The following GTF2A1L variants were observed in gnomAD, a reference collection of about 807,000 sequenced individuals.
GTF2A1L encodes general transcription factor IIA subunit 1 like.
A neutral mutation model predicts 49.7 loss-of-function variants in GTF2A1L; 48 were observed. That is an observed-to-expected ratio of 0.97 (90% CI 0.77 to 1.23). The LOEUF (loss-of-function observed/expected upper bound fraction) is 1.23. Among genes scored for constraint, GTF2A1L ranks in the 50% most tolerant of loss-of-function variants. GTF2A1L has a pLI of 0.00. For missense variants in GTF2A1L, 736 were observed against 564.8 expected (o/e 1.30, Z -3.07); for synonymous variants, 246 against 193.5 (o/e 1.27, Z -2.25).
Position 48,646,909 on chromosome 2 carries a change from G to A in GTF2A1L, c.845G>A (p.Ser282Asn). Residue 282 changes from serine to asparagine, a missense_variant, in exon 6 of 9, where the codon AGC becomes AAC. Physicochemically the swap from Ser to Asn is conservative, Grantham distance 46 (BLOSUM62 1). Coordinates refer to ENST00000403751, the MANE Select transcript of GTF2A1L (RefSeq NM_006872.5). ...QNLHDESLST[S>N]PHGALHQHVT... ...CTGCATGATGAGTCCCTCTCCACAA[G>A]CCCTCATGGGGCTCTCCACCAGCAC... 1.2e-6 allele frequency: 2 copies of A among 1,614,120 alleles called. No individual in the cohort carries two copies. The highest frequency in any genetic ancestry group is 8.5e-7 in the Non-Finnish European group (1 of 1,180,010).
At position 48,621,227 on chromosome 2, in the gene GTF2A1L, C is replaced by T. The variant is rs780972742; in HGVS notation, c.184C>T (p.Gln62Ter). 2 of 1,614,074 alleles carry T rather than the reference C, an allele frequency of 1.2e-6. No homozygotes were observed. Among genetic ancestry groups the T allele is most frequent in the Admixed American group, 1.7e-5 (1 of 60,012 alleles). Residue 62 changes from glutamine to a stop codon, truncating the protein, a stop_gained, in exon 3 of 9, where the codon CAA becomes TAA. Coordinates refer to ENST00000403751, the MANE Select transcript of GTF2A1L (RefSeq NM_006872.5). LOFTEE classifies it high-confidence loss of function. ...AGAAGACTTCTTCAGAAATAGCATC[C>T]AATCACCTCTGTTTACTCTTCAGTT... ...ATEDFFRNSI[Q>*]SPLFTLQLPH... is the part of the protein sequence containing the mutation.
At chr2:48,649,159 A>G (rs1227431882) in intron 6 of GTF2A1L, among the ~76,000 whole-genome samples, 1 of 152,182 alleles carries the variant, frequency 6.6e-6, no homozygotes, top group Non-Finnish European at 1.5e-5. Context: ...TCTTCTAGGT[A>G]CTTTAAAAAT....
At position 48,656,259 on chromosome 2, in the gene GTF2A1L, A is replaced by G. The variant is rs570940141; in HGVS notation, c.978+9217A>G. Among the ~76,000 whole-genome samples the G allele has an allele frequency of 2.6e-5, 4 of 151,630 alleles. No individual in the cohort carries two copies. In the East Asian group the frequency reaches 5.8e-4, roughly 22 times the overall value. ...TTAATCTTATTAGGAACTGCCATAC[A>G]GTTTCCATAGAGGCTGCACCAGTTT... On this transcript the variant is annotated intron_variant, in intron 6 of 8. Coordinates refer to ENST00000403751, the MANE Select transcript of GTF2A1L (RefSeq NM_006872.5).
intron 6 of GTF2A1L, among the ~76,000 whole-genome samples, chr2:48,658,221 G>T (rs1455550982): frequency 1.3e-5 from 2 of 152,100 alleles, no homozygotes; most frequent in Middle Eastern, 3.4e-3. Flanking sequence ...TTCTAGGATT[G>T]TTTATAGTTT....
intron 3 of GTF2A1L, among the ~76,000 whole-genome samples, chr2:48,637,594 A>G (rs1478442119): frequency 6.6e-6 from 1 of 152,180 alleles, no homozygotes; most frequent in Non-Finnish European, 1.5e-5. Flanking sequence ...TCAGCCCCAA[A>G]GCTAGCAGAA....
intron 6 of GTF2A1L, among the ~76,000 whole-genome samples, chr2:48,651,786 AGCCCTTGTTTGAT>A: frequency 6.6e-6 from 1 of 152,320 alleles, no homozygotes; most frequent in East Asian, 1.9e-4. Context: ...CAATGCTTGA[AGCCCTTGTTTGAT>A]CCTTGGGGAG....
intron 3 of GTF2A1L, among the ~76,000 whole-genome samples, chr2:48,640,753 T>C (rs557291580): frequency 6.6e-6 from 1 of 152,332 alleles, no homozygotes; most frequent in Non-Finnish European, 1.5e-5. Flanking sequence ...ATGACACTTT[T>C]AGTTTGAGTA....
At chr2:48,655,249 C>G (rs1459104552) in intron 6 of GTF2A1L, among the ~76,000 whole-genome samples, 1 of 151,656 alleles carries the variant, frequency 6.6e-6, no homozygotes, top group Non-Finnish European at 1.5e-5. Flanking sequence ...GTTTTTGGTG[C>G]TATTATAAAT....
chr2:48,654,718 T>C (rs1678074083), intron 6 of GTF2A1L, among the ~76,000 whole-genome samples: 1 of 152,106 alleles, frequency 6.6e-6, no homozygotes, highest in African/African-American at 2.4e-5. Context: ...TATTCAATTG[T>C]TTTAGCATTG....
intron 7 of GTF2A1L, 37 bp from the exon 8 acceptor site, chr2:48,671,554 C>G: frequency 6.3e-7 from 1 of 1,590,752 alleles, no homozygotes; most frequent in Non-Finnish European, 8.6e-7. Context: ...TTTAAAGCAT[C>G]ATAAAATTCC....
At chr2:48,627,601 A>G (rs1211023978) in intron 3 of GTF2A1L, among the ~76,000 whole-genome samples, 1 of 144,370 alleles carries the variant, frequency 6.9e-6, no homozygotes, top group East Asian at 1.9e-4. Context: ...AGTGATGGGC[A>G]TGCTTAGTTT....
rs376240676 is a variant in GTF2A1L, at chr2:48,646,057, G to A, written c.389-396G>A. Among the ~76,000 whole-genome samples, 39 of 151,862 alleles carry A rather than the reference G, an allele frequency of 2.6e-4. No individual in the cohort carries two copies. In the East Asian group the frequency reaches 7.4e-3, roughly 29 times the overall value. ...TTGGATAGCATTGTCTTGCTATATG[G>A]CATTTTAAATATATGAAGTATATTT... On this transcript the variant is annotated intron_variant, in intron 5 of 8. Coordinates refer to ENST00000403751, the MANE Select transcript of GTF2A1L (RefSeq NM_006872.5).
rs184210154 is a variant in GTF2A1L, at chr2:48,623,175, A to C, written c.247+1885A>C. Reference sequence around the variant, plus strand: ...TACCAAACAGTAAGATTCTTGAAATAAATAGTCTCATAAAATTGAAGTACT... The same window carrying C: ...TACCAAACAGTAAGATTCTTGAAATCAATAGTCTCATAAAATTGAAGTACT... On this transcript the variant is annotated intron_variant, in intron 3 of 8. Coordinates refer to ENST00000403751, the MANE Select transcript of GTF2A1L (RefSeq NM_006872.5). Among the ~76,000 whole-genome samples, 582 of 152,312 alleles carry C rather than the reference A, an allele frequency of 3.8e-3. 8 individuals carry two copies. The highest frequency in any genetic ancestry group is 0.014 in the African/African-American group (562 of 41,568).
At chr2:48,668,095 T>C (rs1678945732) in intron 6 of GTF2A1L, among the ~76,000 whole-genome samples, 1 of 152,158 alleles carries the variant, frequency 6.6e-6, no homozygotes, top group African/African-American at 2.4e-5. Context: ...TTACTGTCTG[T>C]TTTTATGAAT....
At chr2:48,633,104 CT>C in intron 3 of GTF2A1L, 1 of 271,948 alleles carries the variant, frequency 3.7e-6, no homozygotes. Flanking sequence ...TTGTAGGCTT[CT>C]TTTTGAAGTT....
chr2:48,617,949 A>G, intron 1 of GTF2A1L, 54 bp downstream of exon 1: 1 of 1,526,352 alleles, frequency 6.6e-7, no homozygotes. Context: ...CTCCGGGTTC[A>G]CGGCAGCCGA....
At chr2:48,673,788 G>C (rs1679303173) in intron 8 of GTF2A1L, among the ~76,000 whole-genome samples, 1 of 152,146 alleles carries the variant, frequency 6.6e-6, no homozygotes, top group Non-Finnish European at 1.5e-5. Context: ...AGTAAGGCCT[G>C]TTTGTTCAGA....
Position 48,654,202 on chromosome 2 carries a change from A to G in GTF2A1L, c.978+7160A>G, listed in dbSNP as rs551110434. ...GAAGTTTTTAATTTTGATGAAGTCC[A>G]GTTTATTATTTTTATCTTCCAGTTT... On this transcript the variant is annotated intron_variant, in intron 6 of 8. Transcript: ENST00000403751. Among the ~76,000 whole-genome samples, 11 of 152,258 alleles carry G rather than the reference A, an allele frequency of 7.2e-5. No individual in the cohort carries two copies. In the South Asian group the frequency reaches 2.3e-3, roughly 32 times the overall value.
At position 48,647,007 on chromosome 2, in the gene GTF2A1L, A is replaced by G. The variant is rs138150060; in HGVS notation, c.943A>G (p.Ile315Val). The G allele has an allele frequency of 5.8e-5, 94 of 1,613,302 alleles. No individual in the cohort carries two copies. Among genetic ancestry groups the G allele is most frequent in the Admixed American group, 1.7e-5 (1 of 59,922 alleles). Residue 315 changes from isoleucine to valine, a missense_variant, in exon 6 of 9, where the codon ATA becomes GTA. Transcript: ENST00000403751. ...GCDSVKQPRNIEEPSNIPVSE... is the reference protein window; with the variant it reads ...GCDSVKQPRNVEEPSNIPVSE... The stretch of plus-strand genomic sequence containing the variant: ...TGATTCTGTAAAGCAACCAAGAAAT[A>G]TAGAGGAACCCAGCAACATACCTGT...
Sources: gnomAD v4.1 joint callset for allele counts (sites outside exome capture counted in the v4.1 genomes callset) on GRCh38, gnomAD v4.1.1 for gene constraint, MANE v1.5 for transcripts, NCBI Gene and HGNC (gene_info 2026-07-23, HGNC 2026-07-21) for gene names.